The following HTR7 variants were observed in gnomAD, a reference collection of about 807,000 sequenced individuals.
HTR7 encodes the protein 5-hydroxytryptamine receptor 7.
A neutral mutation model predicts 34.0 loss-of-function variants in HTR7; 16 were observed. That is an observed-to-expected ratio of 0.47 (90% CI 0.32 to 0.71). HTR7 has a LOEUF of 0.71. HTR7 is among the 30% of genes least tolerant of loss of function. The pLI, the probability that HTR7 is intolerant of heterozygous loss-of-function variation, is 0.04. For synonymous variants in HTR7, 265 were observed against 260.2 expected (o/e 1.02, Z -0.18); for missense variants, 504 against 625.5 (o/e 0.81, Z 2.07).
At chr10:90,817,571 G>T (rs1845916651) in intron 1 of HTR7, among the ~76,000 whole-genome samples, 1 of 152,128 alleles carries the variant, frequency 6.6e-6, no homozygotes, top group South Asian at 2.1e-4. Context: ...TCTCACTGCT[G>T]CCCCATCCCC....
intron 1 of HTR7, among the ~76,000 whole-genome samples, chr10:90,824,747 G>A (rs1208326452): frequency 6.6e-6 from 1 of 152,210 alleles, no homozygotes; most frequent in African/African-American, 2.4e-5. Flanking sequence ...ATTCCTCATG[G>A]GCCTGGGGTA....
intron 1 of HTR7, among the ~76,000 whole-genome samples, chr10:90,785,411 C>CT (rs1845365323): frequency 6.6e-6 from 1 of 152,106 alleles, no homozygotes; most frequent in Non-Finnish European, 1.5e-5. Flanking sequence ...ATTTTGAACT[C>CT]TGTCTTCTCG....
chr10:90,823,567 T>G (rs1450774349), intron 1 of HTR7, among the ~76,000 whole-genome samples: 1 of 152,186 alleles, frequency 6.6e-6, no homozygotes, highest in Non-Finnish European at 1.5e-5. Flanking sequence ...GACTTGGACT[T>G]TTGAGTTGAT....
rs1334803873 is a variant in HTR7, at chr10:90,749,190, T to C, written c.944A>G (p.Asn315Ser). 2 of 1,614,054 alleles carry C rather than the reference T, an allele frequency of 1.2e-6. No homozygotes were observed. The highest frequency in any genetic ancestry group is 4.5e-5 in the East Asian group (2 of 44,876). Residue 315 changes from asparagine (N) to serine (S), a missense_variant, in exon 2 of 4, where the codon AAC becomes AGC. Asn to Ser is a conservative substitution (Grantham distance 46). Coordinates refer to ENST00000336152, the MANE Select transcript of HTR7 (RefSeq NM_019859.4). The surrounding 1 kb of genome is among the most constrained non-coding windows in gnomAD (Gnocchi z 4.2). ...CTGTTCTCGCTTAAAGATGGAGATG[T>C]TTTTCCTTTCATGCTTGAGGAGTCT... ...LSRLLKHERK[N>S]ISIFKREQKA...
rs147683989 is a variant in HTR7, at chr10:90,852,647, C to A, written c.539+4486G>T. On this transcript the variant is annotated intron_variant, in intron 1 of 3. Transcript: ENST00000336152. Reference sequence around the variant, plus strand: ...AGCAAATTATGGTATATTTATACAACGGAATACTACTTATCAATAAAAATG... The same window carrying A: ...AGCAAATTATGGTATATTTATACAAAGGAATACTACTTATCAATAAAAATG... 3.9e-3 allele frequency among the ~76,000 whole-genome samples: 592 copies of A among 152,162 alleles called. 3 individuals are homozygous for A. Among genetic ancestry groups the A allele is most frequent in the African/African-American group, 0.014 (561 of 41,520 alleles).
intron 1 of HTR7, among the ~76,000 whole-genome samples, chr10:90,761,758 T>C (rs1844940982): frequency 6.6e-6 from 1 of 152,042 alleles, no homozygotes; most frequent in African/African-American, 2.4e-5. Flanking sequence ...TACCTTATCC[T>C]ACAACTAAAA....
At chr10:90,748,531 G>A (rs1473125902) in intron 2 of HTR7, among the ~76,000 whole-genome samples, 2 of 152,200 alleles carry the variant, frequency 1.3e-5, no homozygotes, top group South Asian at 2.1e-4. Flanking sequence ...AAATTCAGAT[G>A]TAAGGATATC....
chr10:90,829,522 C>T (rs187240172), intron 1 of HTR7, among the ~76,000 whole-genome samples: 90 of 152,100 alleles, frequency 5.9e-4, no homozygotes, highest in Non-Finnish European at 1.2e-3. Flanking sequence ...CCTCCCCTAG[C>T]CCCCCACCCT....
At chr10:90,796,063 A>G (rs181971885) in intron 1 of HTR7, among the ~76,000 whole-genome samples, 15 of 152,318 alleles carry the variant, frequency 9.8e-5, no homozygotes, top group African/African-American at 3.1e-4. Flanking sequence ...GTTGACGTTA[A>G]TGCTGGTCAG....
At chr10:90,833,218 G>A (rs1349427591) in intron 1 of HTR7, among the ~76,000 whole-genome samples, 1 of 152,214 alleles carries the variant, frequency 6.6e-6, no homozygotes, top group Non-Finnish European at 1.5e-5. Flanking sequence ...CACCACTGTA[G>A]AGAATATTCC....
chr10:90,775,516 C>A (rs1187315522), intron 1 of HTR7, among the ~76,000 whole-genome samples: 1 of 152,166 alleles, frequency 6.6e-6, no homozygotes, highest in Non-Finnish European at 1.5e-5. Context: ...CAGCATCACA[C>A]ACGCAAGGGG....
chr10:90,810,772 C>A (rs1845793585), intron 1 of HTR7, among the ~76,000 whole-genome samples: 1 of 152,206 alleles, frequency 6.6e-6, no homozygotes, highest in Non-Finnish European at 1.5e-5. Flanking sequence ...AGCAAATTAC[C>A]TGGGCTGTAC....
intron 1 of HTR7, among the ~76,000 whole-genome samples, chr10:90,794,305 T>C (rs533855953): frequency 6.6e-6 from 1 of 152,236 alleles, no homozygotes; most frequent in East Asian, 1.9e-4. Context: ...AAAAAATAGC[T>C]CCTTCTTGAA....
chr10:90,744,202 G>A (rs915146926), intron 2 of HTR7, among the ~76,000 whole-genome samples: 3 of 150,398 alleles, frequency 2.0e-5, no homozygotes, highest in Non-Finnish European at 3.0e-5. Context: ...AGAGAGGCAG[G>A]GGGAGCAAAG....
chr10:90,780,317 C>T (rs1845288172), intron 1 of HTR7, among the ~76,000 whole-genome samples: 1 of 152,124 alleles, frequency 6.6e-6, no homozygotes, highest in Non-Finnish European at 1.5e-5. Context: ...AGGCGGATCA[C>T]CTGAGGTCAG....
At chr10:90,813,280 G>C (rs1845846167) in intron 1 of HTR7, among the ~76,000 whole-genome samples, 1 of 152,166 alleles carries the variant, frequency 6.6e-6, no homozygotes, top group South Asian at 2.1e-4. Context: ...CCAGCACTTT[G>C]GGAGGCCGAG....
chr10:90,755,352 T>A (rs1262686437), intron 1 of HTR7, among the ~76,000 whole-genome samples: 1 of 152,212 alleles, frequency 6.6e-6, no homozygotes, highest in East Asian at 1.9e-4. Flanking sequence ...CAAGGTTTTT[T>A]AAAACCTTTT....
At chr10:90,840,148 G>A (rs1162525647) in intron 1 of HTR7, among the ~76,000 whole-genome samples, 2 of 139,962 alleles carry the variant, frequency 1.4e-5, no homozygotes, top group Non-Finnish European at 3.1e-5. Context: ...CCATCTGTCT[G>A]TCTCTCCATC....
Position 90,857,663 on chromosome 10 carries a change from G to A in HTR7, c.9C>T (p.Asp3=), listed in dbSNP as rs912118062. 1.3e-6 allele frequency: 2 copies of A among 1,573,180 alleles called. No homozygotes were observed. The highest frequency in any genetic ancestry group is 1.7e-6 in the Non-Finnish European group (2 of 1,167,596). MM[D]VNSSGRPDLY... ...GGTCCGGGCGGCCGCTGCTGTTAAC[G>A]TCCATCATCGCGCCGCCGTGTGCCG... Residue 3 remains aspartate, a synonymous_variant, in exon 1 of 4, where the codon GAC becomes GAT. Coordinates refer to ENST00000336152, the MANE Select transcript of HTR7 (RefSeq NM_019859.4). This position sits in a 1 kb window ranked among gnomAD's most constrained non-coding sequence, Gnocchi z 6.5.
Sources: gnomAD v4.1 joint callset for allele counts (sites outside exome capture counted in the v4.1 genomes callset) on GRCh38, gnomAD v4.1.1 for gene constraint, Gnocchi (gnomAD v3.1) non-coding constraint, MANE v1.5 for transcripts, NCBI Gene and HGNC (gene_info 2026-07-23, HGNC 2026-07-21) for gene names.